The following FBXL4 variants were observed in gnomAD, a reference collection of about 807,000 sequenced individuals.
FBXL4 encodes F-box and leucine rich repeat protein 4, also known as F-box/LRR-repeat protein 4.
A neutral mutation model predicts 58.9 loss-of-function variants in FBXL4; 40 were observed. The ratio of observed to expected loss-of-function variants is 0.68; its 90% confidence interval spans 0.53 to 0.88. The LOEUF (loss-of-function observed/expected upper bound fraction) is 0.88, where lower values mean the gene tolerates loss of function less well. Among genes scored for constraint, FBXL4 ranks in the 40% least tolerant of loss-of-function variants. The probability of loss-of-function intolerance (pLI) is 0.00; values close to 1 mark genes in which losing one functional copy is unlikely to be tolerated. For missense variants in FBXL4, 676 were observed against 734.4 expected (o/e 0.92, Z 0.92); for synonymous variants, 263 against 265.5 (o/e 0.99, Z 0.09).
chr6:98,912,876 A>T (rs978749653), intron 5 of FBXL4, among the ~76,000 whole-genome samples: 1 of 152,054 alleles, frequency 6.6e-6, no homozygotes, highest in Non-Finnish European at 1.5e-5. Flanking sequence ...AAAGACACAG[A>T]CTGGCAAATT....
intron 4 of FBXL4, among the ~76,000 whole-genome samples, chr6:98,920,686 T>C (rs1562242109): frequency 6.6e-6 from 1 of 152,178 alleles, no homozygotes; most frequent in East Asian, 1.9e-4. Flanking sequence ...GAAAGGTATC[T>C]ATCTTACCCA....
At chr6:98,938,709 G>A (rs1308880324) in intron 1 of FBXL4, among the ~76,000 whole-genome samples, 2 of 151,996 alleles carry the variant, frequency 1.3e-5, no homozygotes, top group African/African-American at 2.4e-5. Flanking sequence ...TTAAATCCTG[G>A]TGCTTGCTTT....
At position 98,947,807 on chromosome 6, in the gene FBXL4, C is replaced by G. The variant is rs917184432; in HGVS notation, c.-310G>C. The G allele has an allele frequency of 2.0e-5, 3 of 152,114 alleles. No homozygotes were observed. Among genetic ancestry groups the G allele is most frequent in the Non-Finnish European group, 4.4e-5 (3 of 68,132 alleles). 9.4% of individuals were successfully genotyped at this position (152,114 alleles called of 1,614,324 possible). A position where few individuals can be genotyped will look rare whatever the true frequency, so the allele number is the denominator to read the frequency against. On this transcript the variant is annotated splice_region_variant and 5_prime_UTR_variant, in exon 1 of 10. Coordinates refer to ENST00000369244, the MANE Select transcript of FBXL4 (RefSeq NM_001278716.2). ...GGAGAAGTAAAGGAAGGGCCGTACCCTGCAGGGTCCGGGAGAGGCGCGCGC... is the reference window on the plus strand; with the variant it reads ...GGAGAAGTAAAGGAAGGGCCGTACCGTGCAGGGTCCGGGAGAGGCGCGCGC...
At chr6:98,937,676 G>A (rs1340712654) in intron 1 of FBXL4, among the ~76,000 whole-genome samples, 1 of 151,992 alleles carries the variant, frequency 6.6e-6, no homozygotes, top group Non-Finnish European at 1.5e-5. Context: ...GCAATTTTGT[G>A]GAAATATACT....
intron 1 of FBXL4, among the ~76,000 whole-genome samples, chr6:98,936,503 T>G (rs1773223287): frequency 1.3e-5 from 2 of 152,234 alleles, no homozygotes; most frequent in Non-Finnish European, 2.9e-5. Flanking sequence ...ACAGCAAGAC[T>G]GACCCATCCT....
In FBXL4 at chr6:98,899,249, A is replaced by C. The variant is rs201615847; in HGVS notation, c.1317+19T>G. ...TGGCTACCATAATAGCAATGATGAAAATTATGAATTACTCTCACCTCTACT... is the reference window on the plus strand; with the variant it reads ...TGGCTACCATAATAGCAATGATGAACATTATGAATTACTCTCACCTCTACT... On this transcript the variant is annotated intron_variant, in intron 7 of 9. Transcript: ENST00000369244. The C allele has an allele frequency of 3.7e-5, 59 of 1,609,790 alleles. 1 individual carries two copies. The African/African-American group carries it at 6.7e-4, about 18-fold the overall frequency.
chr6:98,898,733 A>AT, intron 7 of FBXL4: 3 of 984,642 alleles, frequency 3.0e-6, no homozygotes, highest in Non-Finnish European at 3.6e-6. Context: ...AACATACACT[A>AT]TTACAGTAAA....
chr6:98,908,810 G>A (rs1032494075), intron 5 of FBXL4, among the ~76,000 whole-genome samples: 2 of 151,602 alleles, frequency 1.3e-5, no homozygotes, highest in African/African-American at 4.8e-5. Flanking sequence ...ACCTGTTCCT[G>A]GACTCTATTC....
At chr6:98,895,551 G>A (rs1204593790) in intron 7 of FBXL4, among the ~76,000 whole-genome samples, 1 of 152,084 alleles carries the variant, frequency 6.6e-6, no homozygotes, top group African/African-American at 2.4e-5. Context: ...ACAACACCAA[G>A]GCCACAAGAC....
chr6:98,907,980 C>T (rs540383121), intron 5 of FBXL4, among the ~76,000 whole-genome samples: 102 of 152,190 alleles, frequency 6.7e-4, no homozygotes, highest in African/African-American at 2.4e-3. Flanking sequence ...GCTGTTGAAC[C>T]CAATCTCTCT....
Position 98,873,193 on chromosome 6 carries a change from ATC to A in FBXL4, c.*1083_*1084del, listed in dbSNP as rs1187109331. ...ATCCACACACCCTAGCAAGATATAT[ATC>A]TCTCTCTATATAATATATATAATTA... On this transcript the variant is annotated 3_prime_UTR_variant, in exon 10 of 10. Transcript: ENST00000369244. 8 of 148,214 alleles carry A rather than the reference ATC, an allele frequency of 5.4e-5. No homozygotes were observed. The highest frequency in any genetic ancestry group is 1.7e-4 in the African/African-American group (7 of 40,726). The allele number at this position is 148,214 out of a possible 1,614,324, so 9.2% of individuals were successfully genotyped here.
At chr6:98,889,161 A>C (rs1379678337) in intron 7 of FBXL4, among the ~76,000 whole-genome samples, 2 of 152,232 alleles carry the variant, frequency 1.3e-5, no homozygotes, top group Non-Finnish European at 2.9e-5. Context: ...GTTTTTATTA[A>C]TGCAATTAGG....
intron 1 of FBXL4, among the ~76,000 whole-genome samples, chr6:98,945,621 T>C (rs1050611667): frequency 3.3e-5 from 5 of 152,192 alleles, no homozygotes; most frequent in Non-Finnish European, 7.3e-5. Context: ...TAAAATTTAT[T>C]ATATTTTAGA....
At chr6:98,920,857 T>G (rs1359479008) in intron 4 of FBXL4, among the ~76,000 whole-genome samples, 1 of 114,426 alleles carries the variant, frequency 8.7e-6, no homozygotes, top group Non-Finnish European at 2.0e-5. Flanking sequence ...CACACACACA[T>G]TCTGGAGAAA....
chr6:98,933,589 C>A (rs1201914572), intron 2 of FBXL4, among the ~76,000 whole-genome samples: 1 of 152,176 alleles, frequency 6.6e-6, no homozygotes, highest in African/African-American at 2.4e-5. Context: ...CTTTATCTAC[C>A]ATGCACCTTT....
chr6:98,898,459 G>A (rs1771483621), intron 7 of FBXL4: 8 of 981,540 alleles, frequency 8.2e-6, no homozygotes, highest in Non-Finnish European at 8.5e-6. Context: ...ACAAAAATTA[G>A]CTGGGCATGG....
At chr6:98,927,937 T>C (rs1237418799) in intron 2 of FBXL4, 115 bp from the exon 3 acceptor site, 4 of 152,238 alleles carry the variant, frequency 2.6e-5, no homozygotes, top group African/African-American at 9.6e-5. Context: ...CACATTTTTC[T>C]ATTTTGTACA....
At chr6:98,897,378 G>A (rs1771445638) in intron 7 of FBXL4, 2 of 979,260 alleles carry the variant, frequency 2.0e-6, no homozygotes, top group Non-Finnish European at 2.4e-6. Context: ...GGCATTCAGG[G>A]ACAATAATTA....
In FBXL4 at chr6:98,875,409, C is replaced by G; in HGVS notation, c.1702+6G>C. 1 of 1,612,864 alleles carries G rather than the reference C, an allele frequency of 6.2e-7. No homozygotes were observed. Among genetic ancestry groups the G allele is most frequent in the Non-Finnish European group, 8.5e-7 (1 of 1,178,922 alleles). On this transcript the variant is annotated splice_donor_region_variant and intron_variant, in intron 9 of 9. Coordinates refer to ENST00000369244, the MANE Select transcript of FBXL4 (RefSeq NM_001278716.2). Reference sequence around the variant, plus strand: ...TTTAAAACAAATTTATATATTGTAACCTTACCTAATATGTCCAGCTGCTGT... The same window carrying G: ...TTTAAAACAAATTTATATATTGTAAGCTTACCTAATATGTCCAGCTGCTGT...
Sources: gnomAD v4.1 joint callset for allele counts (sites outside exome capture counted in the v4.1 genomes callset) on GRCh38, gnomAD v4.1.1 for gene constraint, MANE v1.5 for transcripts, NCBI Gene and HGNC (gene_info 2026-07-23, HGNC 2026-07-21) for gene names.